Variants in HIBADH observed in about 807,000 individuals in gnomAD.
The protein encoded by HIBADH is 3-hydroxyisobutyrate dehydrogenase.
HIBADH carries 25 observed loss-of-function variants against 36.1 expected under a neutral mutation model. That is an observed-to-expected ratio of 0.69 (90% CI 0.50 to 0.97). The LOEUF (loss-of-function observed/expected upper bound fraction) is 0.97, where lower values mean the gene tolerates loss of function less well. Ranked by LOEUF, HIBADH falls within the 50% of genes least tolerant of loss-of-function variation. The pLI is 0.00. For missense variants in HIBADH, 421 were observed against 418.0 expected (o/e 1.01, Z -0.06); for synonymous variants, 160 against 149.5 (o/e 1.07, Z -0.51).
At chr7:27,573,778 G>A (rs1235623581) in intron 4 of HIBADH, among the ~76,000 whole-genome samples, 1 of 152,108 alleles carries the variant, frequency 6.6e-6, no homozygotes. Flanking sequence ...TGCTTTAAGT[G>A]TAAAACACAC....
At chr7:27,567,699 A>T (rs71532940) in intron 4 of HIBADH, among the ~76,000 whole-genome samples, 114,981 of 151,788 alleles carry the variant, frequency 0.76, 43,955 homozygotes, top group East Asian at 0.94. Flanking sequence ...TATACATACT[A>T]AAGTTTTCAT....
At chr7:27,594,003 ACAGAGCGAGACT>A (rs1479513400) in intron 4 of HIBADH, among the ~76,000 whole-genome samples, 1 of 150,934 alleles carries the variant, frequency 6.6e-6, no homozygotes, top group Non-Finnish European at 1.5e-5. Flanking sequence ...AGCCTGGGCG[ACAGAGCGAGACT>A]CCGTCTCAAA....
intron 4 of HIBADH, among the ~76,000 whole-genome samples, chr7:27,577,281 A>C (rs1395303267): frequency 4.0e-5 from 6 of 151,006 alleles, no homozygotes; most frequent in African/African-American, 1.5e-4. Flanking sequence ...CTCCTACCTC[A>C]TCCTCCCAGG....
chr7:27,569,884 T>C (rs1282425403), intron 4 of HIBADH, among the ~76,000 whole-genome samples: 1 of 152,212 alleles, frequency 6.6e-6, no homozygotes, highest in Non-Finnish European at 1.5e-5. Flanking sequence ...ACCACAAAAC[T>C]GCAGGTTCAG....
chr7:27,532,013 A>G (rs1009312868), intron 6 of HIBADH, among the ~76,000 whole-genome samples: 17 of 152,188 alleles, frequency 1.1e-4, no homozygotes, highest in African/African-American at 3.1e-4. Context: ...CTATTCAGAG[A>G]CATGCATTAT....
chr7:27,531,833 T>A (rs574412383), intron 6 of HIBADH, among the ~76,000 whole-genome samples: 2 of 152,190 alleles, frequency 1.3e-5, no homozygotes, highest in Non-Finnish European at 2.9e-5. Context: ...GTTTATTCCT[T>A]TAGTTTTTAT....
chr7:27,567,663 G>A (rs562803719), intron 4 of HIBADH, among the ~76,000 whole-genome samples: 5 of 151,038 alleles, frequency 3.3e-5, no homozygotes, highest in South Asian at 2.1e-4. Context: ...GCGTGCACAC[G>A]TGTGTGACTG....
chr7:27,620,589 T>C (rs1785522755), intron 4 of HIBADH, among the ~76,000 whole-genome samples: 1 of 151,848 alleles, frequency 6.6e-6, no homozygotes, highest in Non-Finnish European at 1.5e-5. Context: ...TAAAGTCTTC[T>C]CTAGAGAAGC....
intron 1 of HIBADH, among the ~76,000 whole-genome samples, chr7:27,650,929 C>G (rs374532303): frequency 2.6e-5 from 4 of 152,110 alleles, no homozygotes; most frequent in African/African-American, 9.7e-5. Flanking sequence ...GCATGAAGTA[C>G]TATGACAGAG....
chr7:27,579,248 G>A (rs1351102552), intron 4 of HIBADH, among the ~76,000 whole-genome samples: 2 of 152,074 alleles, frequency 1.3e-5, no homozygotes, highest in Admixed American at 6.5e-5. Flanking sequence ...ATTCTCAGAC[G>A]ATATATACTA....
chr7:27,553,664 A>G (rs1378754467), intron 4 of HIBADH, among the ~76,000 whole-genome samples: 1 of 152,162 alleles, frequency 6.6e-6, no homozygotes, highest in Non-Finnish European at 1.5e-5. Flanking sequence ...TCACTTTAAA[A>G]AGCAATTCCT....
At chr7:27,627,590 C>T (rs1052513796) in intron 4 of HIBADH, among the ~76,000 whole-genome samples, 3 of 152,136 alleles carry the variant, frequency 2.0e-5, no homozygotes, top group African/African-American at 4.8e-5. Context: ...AGTTAAAATA[C>T]AGTAATTTTT....
chr7:27,583,016 T>G (rs1344292226), intron 4 of HIBADH, among the ~76,000 whole-genome samples: 5 of 152,146 alleles, frequency 3.3e-5, no homozygotes. Flanking sequence ...TAGTACTTAG[T>G]GTATAATCAT....
At chr7:27,569,195 GTTCT>G (rs1261857027) in intron 4 of HIBADH, among the ~76,000 whole-genome samples, 1 of 151,868 alleles carries the variant, frequency 6.6e-6, no homozygotes, top group African/African-American at 2.4e-5. Flanking sequence ...TTTCCATTTG[GTTCT>G]TTTTTATAGC....
intron 2 of HIBADH, among the ~76,000 whole-genome samples, chr7:27,640,716 G>A (rs947543633): frequency 3.9e-5 from 6 of 152,182 alleles, no homozygotes; most frequent in Admixed American, 2.0e-4. Flanking sequence ...CATGTTGCAC[G>A]AACATCAGAG....
intron 1 of HIBADH, among the ~76,000 whole-genome samples, chr7:27,649,948 T>A (rs1254599234): frequency 6.6e-6 from 1 of 151,972 alleles, no homozygotes; most frequent in Non-Finnish European, 1.5e-5. Context: ...CCTAACCACA[T>A]TTAAAGTTAT....
chr7:27,659,185 C>T (rs1786367022), intron 1 of HIBADH, among the ~76,000 whole-genome samples: 1 of 152,164 alleles, frequency 6.6e-6, no homozygotes, highest in Admixed American at 6.5e-5. Context: ...CAGGTGGTCA[C>T]CTCAAGATGA....
chr7:27,605,960 C>G lies in HIBADH; in HGVS notation c.484+23411G>C, dbSNP rs1464344111. On this transcript the variant is annotated intron_variant, in intron 4 of 7. Transcript: ENST00000265395. The stretch of plus-strand genomic sequence containing the variant: ...ATGAAATACTAACCAACTCTTCTGA[C>G]TACTCTAACCTCCTCCCAAACAAGT... 2.6e-5 allele frequency among the ~76,000 whole-genome samples: 4 copies of G among 152,150 alleles called. 1 individual carries two copies. The highest frequency in any genetic ancestry group is 4.1e-4 in the South Asian group (2 of 4,832).
chr7:27,574,190 G>GA (rs1308708811), intron 4 of HIBADH, among the ~76,000 whole-genome samples: 2 of 101,116 alleles, frequency 2.0e-5, no homozygotes, highest in African/African-American at 4.4e-5. Flanking sequence ...TACAGAGTTA[G>GA]AAAATCTCTT....
Sources: allele counts gnomAD v4.1 joint callset (sites outside exome capture counted in the v4.1 genomes callset), GRCh38; gene constraint gnomAD v4.1.1; transcripts MANE v1.5; gene names NCBI Gene and HGNC (gene_info 2026-07-23, HGNC 2026-07-21).